The following NKAIN2 variants were observed in gnomAD, a reference collection of about 807,000 sequenced individuals.
NKAIN2 encodes sodium/potassium transporting ATPase interacting 2.
Under a neutral mutation model 32.6 loss-of-function variants are expected in NKAIN2, and 14 were observed. The ratio of observed to expected loss-of-function variants is 0.43; its 90% CI spans 0.28 to 0.67. NKAIN2 has a LOEUF of 0.67. NKAIN2 is among the 30% of genes least tolerant of loss of function. The probability of loss-of-function intolerance (pLI) is 0.17; values close to 1 mark genes in which losing one functional copy is unlikely to be tolerated. For synonymous variants in NKAIN2, 80 were observed against 87.2 expected (o/e 0.92, Z 0.46); for missense variants, 198 against 258.3 (o/e 0.77, Z 1.60).
At chr6:124,040,562 G>T (rs1781822807) in intron 1 of NKAIN2, among the ~76,000 whole-genome samples, 1 of 151,794 alleles carries the variant, frequency 6.6e-6, no homozygotes, top group Non-Finnish European at 1.5e-5. Context: ...TTCCTGGTTT[G>T]TTATTATTTA....
intron 1 of NKAIN2, among the ~76,000 whole-genome samples, chr6:124,032,984 A>C (rs1340576671): frequency 7.2e-5 from 11 of 152,112 alleles, no homozygotes; most frequent in Admixed American, 7.2e-4. Flanking sequence ...GATTAACAAC[A>C]ACCAGACTAC....
chr6:123,821,542 C>A (rs1430031339), intron 1 of NKAIN2, among the ~76,000 whole-genome samples: 2 of 152,130 alleles, frequency 1.3e-5, no homozygotes, highest in African/African-American at 4.8e-5. Flanking sequence ...TAGATATAGA[C>A]CCTGTAACGT....
chr6:124,780,918 T>C (rs1779232923), intron 4 of NKAIN2, among the ~76,000 whole-genome samples: 1 of 152,144 alleles, frequency 6.6e-6, no homozygotes, highest in Admixed American at 6.5e-5. Flanking sequence ...GCATGTGCAT[T>C]CTCCTACATG....
intron 3 of NKAIN2, among the ~76,000 whole-genome samples, chr6:124,371,261 C>G (rs577885859): frequency 6.6e-6 from 1 of 151,982 alleles, no homozygotes; most frequent in African/African-American, 2.4e-5. Flanking sequence ...CTGAAATGTT[C>G]CATGCAAGGA....
intron 4 of NKAIN2, among the ~76,000 whole-genome samples, chr6:124,766,610 C>A (rs1447076366): frequency 6.6e-6 from 1 of 152,124 alleles, no homozygotes; most frequent in East Asian, 1.9e-4. Flanking sequence ...AACACATGGC[C>A]CAGATTGGAG....
At chr6:123,851,095 T>C (rs1404709621) in intron 1 of NKAIN2, among the ~76,000 whole-genome samples, 1 of 152,134 alleles carries the variant, frequency 6.6e-6, no homozygotes, top group South Asian at 2.1e-4. Flanking sequence ...TCATCATCCA[T>C]TGATGGACAC....
intron 2 of NKAIN2, among the ~76,000 whole-genome samples, chr6:124,343,291 A>G (rs1377770581): frequency 1.3e-5 from 2 of 151,842 alleles, no homozygotes; most frequent in African/African-American, 2.4e-5. Context: ...AAATAAACAT[A>G]CGTGTGCATG....
intron 1 of NKAIN2, among the ~76,000 whole-genome samples, chr6:123,913,519 A>T (rs1380965497): frequency 6.6e-6 from 1 of 152,158 alleles, no homozygotes; most frequent in Non-Finnish European, 1.5e-5. Flanking sequence ...TTACTACAAA[A>T]AACCTCAGTT....
intron 3 of NKAIN2, among the ~76,000 whole-genome samples, chr6:124,513,021 T>C (rs1308976447): frequency 6.6e-6 from 1 of 152,042 alleles, no homozygotes; most frequent in Non-Finnish European, 1.5e-5. Context: ...TCCAACTGTG[T>C]TTCCTCTTCT....
chr6:124,552,048 G>C (rs1334330835), intron 3 of NKAIN2, among the ~76,000 whole-genome samples: 1 of 152,162 alleles, frequency 6.6e-6, no homozygotes, highest in Non-Finnish European at 1.5e-5. Context: ...CTCAGATGTG[G>C]CTTCCCTCTG....
At chr6:124,219,770 T>A (rs1270821162) in intron 1 of NKAIN2, among the ~76,000 whole-genome samples, 5 of 152,144 alleles carry the variant, frequency 3.3e-5, no homozygotes, top group Non-Finnish European at 7.4e-5. Flanking sequence ...TTTTGATATT[T>A]TAGAACAACA....
chr6:124,342,044 C>T (rs73571184), intron 2 of NKAIN2, among the ~76,000 whole-genome samples: 4,687 of 152,132 alleles, frequency 0.031, 118 homozygotes, highest in African/African-American at 0.059. Context: ...TTTGTACAAA[C>T]GGTAAATATT....
At chr6:124,205,907 A>G (rs1790854638) in intron 1 of NKAIN2, among the ~76,000 whole-genome samples, 2 of 152,060 alleles carry the variant, frequency 1.3e-5, no homozygotes, top group Non-Finnish European at 1.5e-5. Flanking sequence ...GTTTACTGTT[A>G]TCCGTAATAT....
At chr6:124,086,481 G>T (rs1784195224) in intron 1 of NKAIN2, among the ~76,000 whole-genome samples, 1 of 151,726 alleles carries the variant, frequency 6.6e-6, no homozygotes, top group South Asian at 2.1e-4. Flanking sequence ...TCCTCTTTTT[G>T]TTTTGCCTCA....
intron 4 of NKAIN2, among the ~76,000 whole-genome samples, chr6:124,680,005 G>T (rs1773539854): frequency 6.6e-6 from 1 of 152,000 alleles, no homozygotes; most frequent in Non-Finnish European, 1.5e-5. Context: ...GAAAGCAAGA[G>T]ATATCATTAT....
intron 3 of NKAIN2, among the ~76,000 whole-genome samples, chr6:124,558,367 C>T (rs981619040): frequency 2.6e-5 from 4 of 152,132 alleles, no homozygotes; most frequent in African/African-American, 7.2e-5. Context: ...TTTATAGATT[C>T]TAGGTTAGTC....
intron 3 of NKAIN2, among the ~76,000 whole-genome samples, chr6:124,436,347 AC>A (rs1775443273): frequency 6.6e-6 from 1 of 152,132 alleles, no homozygotes; most frequent in Admixed American, 6.6e-5. Flanking sequence ...AGAAATGAGG[AC>A]TTTTCCAATT....
At chr6:123,942,940 T>G (rs1165368583) in intron 1 of NKAIN2, among the ~76,000 whole-genome samples, 1 of 152,066 alleles carries the variant, frequency 6.6e-6, no homozygotes, top group African/African-American at 2.4e-5. Flanking sequence ...TAAACGATTA[T>G]TAGGTTTTAG....
intron 4 of NKAIN2, among the ~76,000 whole-genome samples, chr6:124,761,264 A>G (rs1778250646): frequency 1.3e-5 from 2 of 152,202 alleles, no homozygotes; most frequent in Admixed American, 1.3e-4. Context: ...TTCAGAACAG[A>G]TAGTTACCAC....
Sources: allele counts gnomAD v4.1 joint callset (sites outside exome capture counted in the v4.1 genomes callset), GRCh38; gene constraint gnomAD v4.1.1; transcripts MANE v1.5; gene names NCBI Gene and HGNC (gene_info 2026-07-23, HGNC 2026-07-21).